The following CDH13 variants were observed in gnomAD, a reference collection of about 807,000 sequenced individuals.
CDH13 encodes the protein cadherin 13, also known as cadherin-13.
CDH13 carries 24 observed loss-of-function variants against 63.8 expected under a neutral mutation model. The observed-to-expected ratio is 0.38, with a 90% confidence interval of 0.27 to 0.53. The LOEUF is 0.53. Ranked by LOEUF, CDH13 falls within the 20% of genes least tolerant of loss-of-function variation. CDH13 has a pLI of 0.85. For synonymous variants in CDH13, 503 were observed against 355.3 expected, an observed-to-expected ratio of 1.42 and a Z score of -4.67; for missense variants, 1,049 against 903.1, an observed-to-expected ratio of 1.16 and a Z score of -2.07.
At chr16:83,367,385 C>T (rs2091278578) in intron 6 of CDH13, among the ~76,000 whole-genome samples, 1 of 152,048 alleles carries the variant, frequency 6.6e-6, no homozygotes, top group African/African-American at 2.4e-5. Context: ...TGACATTTAT[C>T]CATTTAAAAG....
chr16:83,791,545 G>GCTC (rs1480671451), intron 13 of CDH13, among the ~76,000 whole-genome samples: 1 of 151,964 alleles, frequency 6.6e-6, no homozygotes, highest in Non-Finnish European at 1.5e-5. Context: ...GGGTGGGGTG[G>GCTC]CTCATACCTG....
chr16:82,805,931 CT>C (rs1416849947), intron 1 of CDH13, among the ~76,000 whole-genome samples: 1 of 152,218 alleles, frequency 6.6e-6, no homozygotes, highest in African/African-American at 2.4e-5. Context: ...ATCACCCTTT[CT>C]ACCAGTTGGT....
intron 2 of CDH13, among the ~76,000 whole-genome samples, chr16:82,989,173 T>A (rs1162680168): frequency 1.3e-5 from 2 of 152,152 alleles, no homozygotes; most frequent in African/African-American, 2.4e-5. Flanking sequence ...ATCCAACTGA[T>A]ACCTGGAACA....
chr16:83,310,767 C>T (rs1185935957), intron 5 of CDH13, among the ~76,000 whole-genome samples: 2 of 152,146 alleles, frequency 1.3e-5, no homozygotes, highest in Non-Finnish European at 2.9e-5. Context: ...AAATTCCCTC[C>T]AGGAGAGAAC....
chr16:82,978,507 C>A (rs1310390903), intron 2 of CDH13, among the ~76,000 whole-genome samples: 1 of 152,222 alleles, frequency 6.6e-6, no homozygotes, highest in Non-Finnish European at 1.5e-5. Flanking sequence ...AGCATGGGAA[C>A]TTGGTGCCCT....
chr16:82,796,981 C>T (rs2036612605), intron 1 of CDH13, among the ~76,000 whole-genome samples: 1 of 152,150 alleles, frequency 6.6e-6, no homozygotes, highest in Admixed American at 6.6e-5. Flanking sequence ...AGGCAGGATC[C>T]TATCAACTTT....
At chr16:83,170,053 G>A (rs2037854984) in intron 4 of CDH13, among the ~76,000 whole-genome samples, 1 of 151,604 alleles carries the variant, frequency 6.6e-6, no homozygotes, top group South Asian at 2.1e-4. Context: ...TTCTTTTTCT[G>A]GTTTTGTCAC....
intron 1 of CDH13, among the ~76,000 whole-genome samples, chr16:82,722,535 G>A (rs1268017535): frequency 2.6e-5 from 4 of 152,170 alleles, no homozygotes; most frequent in Non-Finnish European, 5.9e-5. Context: ...AATTGGCTAC[G>A]CTAGGGTCAC....
chr16:83,056,963 T>TTTTG lies in CDH13; in HGVS notation c.366+24761_366+24764dup, dbSNP rs543908459. On this transcript the variant is annotated intron_variant, in intron 3 of 13. Coordinates refer to ENST00000567109, the MANE Select transcript of CDH13 (RefSeq NM_001257.5). ...AGTCCATTAAACCTTTTTTACTCTT[T>TTTTG]TTTGTTTGTTTGTTTGTTTTTTGAG... 1.6e-4 allele frequency among the ~76,000 whole-genome samples: 24 copies of TTTTG among 152,154 alleles called. No individual in the cohort carries two copies. In the East Asian group the frequency reaches 3.7e-3, roughly 23 times the overall value.
intron 5 of CDH13, among the ~76,000 whole-genome samples, chr16:83,269,405 T>G (rs547499578): frequency 3.9e-5 from 6 of 152,270 alleles, no homozygotes; most frequent in Non-Finnish European, 8.8e-5. Context: ...GTCTCAAATA[T>G]TGATTATCTA....
chr16:83,524,256 T>C (rs1349284800), intron 7 of CDH13, among the ~76,000 whole-genome samples: 1 of 152,046 alleles, frequency 6.6e-6, no homozygotes, highest in Non-Finnish European at 1.5e-5. Flanking sequence ...ACATGAGTAA[T>C]ATATTCATAC....
At chr16:82,997,122 ATGG>A (rs1453583356) in intron 2 of CDH13, among the ~76,000 whole-genome samples, 5 of 139,472 alleles carry the variant, frequency 3.6e-5, no homozygotes, top group Non-Finnish European at 7.8e-5. Flanking sequence ...GGTGATGCTG[ATGG>A]TGGTGATGGT....
chr16:83,589,812 G>T (rs1598338326), intron 7 of CDH13, among the ~76,000 whole-genome samples: 1 of 152,144 alleles, frequency 6.6e-6, no homozygotes, highest in Non-Finnish European at 1.5e-5. Flanking sequence ...ATGCAGGGAA[G>T]GCAGGAGTGA....
chr16:83,743,748 C>CTTTTTTTTTTTTTTTATTTTTT (rs1912284645), intron 10 of CDH13, among the ~76,000 whole-genome samples: 1 of 76,258 alleles, frequency 1.3e-5, no homozygotes, highest in Non-Finnish European at 2.2e-5. Context: ...TTTCTTTTTT[C>CTTTTTTTTTTTTTTTATTTTTT]TTTTTTTTTT....
At chr16:83,624,347 C>CCCG (rs1254190384) in intron 8 of CDH13, among the ~76,000 whole-genome samples, 1 of 151,664 alleles carries the variant, frequency 6.6e-6, no homozygotes, top group East Asian at 1.9e-4. Context: ...CGCCCCCACC[C>CCCG]CTGCCCCAGG....
intron 1 of CDH13, among the ~76,000 whole-genome samples, chr16:82,798,401 G>A (rs1206821624): frequency 2.6e-5 from 4 of 152,166 alleles, no homozygotes; most frequent in African/African-American, 9.6e-5. Context: ...CCCCTAGACT[G>A]TTTCTTAAAT....
intron 2 of CDH13, among the ~76,000 whole-genome samples, chr16:82,906,198 T>G (rs1374533656): frequency 6.6e-6 from 1 of 152,156 alleles, no homozygotes; most frequent in Non-Finnish European, 1.5e-5. Context: ...CAGTTCTCAT[T>G]ATTTCATTTC....
In CDH13 at chr16:83,360,198, A is replaced by G. The variant is rs116386697; in HGVS notation, c.781+15192A>G. The stretch of plus-strand genomic sequence containing the variant: ...GGAAATATCGCTTTAGCTTGTGCAG[A>G]TGAATATGCACCATTCTTCGTCAAG... On this transcript the variant is annotated intron_variant, in intron 6 of 13. Transcript: ENST00000567109. Among the ~76,000 whole-genome samples the G allele has an allele frequency of 2.0e-3, 309 of 152,354 alleles. 1 individual carries two copies. Among genetic ancestry groups the G allele is most frequent in the African/African-American group, 7.3e-3 (304 of 41,590 alleles).
At chr16:83,310,698 T>C (rs1466290679) in intron 5 of CDH13, among the ~76,000 whole-genome samples, 1 of 152,162 alleles carries the variant, frequency 6.6e-6, no homozygotes, top group South Asian at 2.1e-4. Context: ...GTACAATGGG[T>C]TGGACAGTGT....
Sources: allele counts gnomAD v4.1 joint callset (sites outside exome capture counted in the v4.1 genomes callset), GRCh38; gene constraint gnomAD v4.1.1; transcripts MANE v1.5; gene names NCBI Gene and HGNC (gene_info 2026-07-23, HGNC 2026-07-21).